Variants in DCC observed in about 807,000 individuals in gnomAD.
The protein encoded by DCC is netrin receptor DCC.
In DCC, 58 loss-of-function variants were observed where a neutral mutation model predicts 172.5. The observed-to-expected ratio is 0.34, with a 90% confidence interval of 0.27 to 0.42. The LOEUF (loss-of-function observed/expected upper bound fraction) is 0.42. Among genes scored for constraint, DCC ranks in the 10% least tolerant of loss-of-function variants. The probability of loss-of-function intolerance (pLI) is 1.00; values close to 1 mark genes in which losing one functional copy is unlikely to be tolerated. For synonymous variants in DCC, 709 were observed against 644.5 expected, an observed-to-expected ratio of 1.10 and a Z score of -1.52; for missense variants, 1,740 against 1,791.0, an observed-to-expected ratio of 0.97 and a Z score of 0.51.
At chr18:53,096,867 C>T (rs1279845157) in intron 7 of DCC, among the ~76,000 whole-genome samples, 2 of 152,054 alleles carry the variant, frequency 1.3e-5, no homozygotes, top group Non-Finnish European at 2.9e-5. Context: ...ATCATAACTA[C>T]TTTATAATGA....
intron 21 of DCC, among the ~76,000 whole-genome samples, chr18:53,423,220 G>A (rs193237204): frequency 4.6e-4 from 70 of 152,232 alleles, no homozygotes; most frequent in Non-Finnish European, 8.5e-4. Flanking sequence ...CCATAAACAG[G>A]TTCTTCTTGT....
intron 1 of DCC, among the ~76,000 whole-genome samples, chr18:52,545,802 A>G (rs1341571197): frequency 6.6e-6 from 1 of 152,214 alleles, no homozygotes; most frequent in Non-Finnish European, 1.5e-5. Context: ...TGTGCCTTCT[A>G]TAAGGGAGTG....
intron 5 of DCC, among the ~76,000 whole-genome samples, chr18:52,989,676 A>G (rs1456340175): frequency 3.3e-5 from 5 of 152,212 alleles, no homozygotes; most frequent in Non-Finnish European, 7.3e-5. Context: ...TACTCACACA[A>G]CAACACACCA....
intron 5 of DCC, among the ~76,000 whole-genome samples, chr18:52,938,178 C>T: frequency 6.6e-6 from 1 of 152,102 alleles, no homozygotes; most frequent in Non-Finnish European, 1.5e-5. Context: ...CTCTTCATAT[C>T]TGCTAATATT....
intron 1 of DCC, among the ~76,000 whole-genome samples, chr18:52,609,850 T>A (rs892458927): frequency 6.6e-5 from 10 of 151,790 alleles, no homozygotes; most frequent in African/African-American, 2.2e-4. Context: ...GAAAAGCCCA[T>A]AAAACAGGAG....
chr18:52,365,112 G>A (rs2144280256), intron 1 of DCC, among the ~76,000 whole-genome samples: 1 of 152,316 alleles, frequency 6.6e-6, no homozygotes, highest in South Asian at 2.1e-4. Context: ...CATATGGTAT[G>A]TTTAAACTTG....
intron 1 of DCC, among the ~76,000 whole-genome samples, chr18:52,391,500 C>A (rs538598406): frequency 6.8e-4 from 104 of 151,986 alleles, no homozygotes; most frequent in Non-Finnish European, 1.3e-3. Context: ...ATAAGAGAAC[C>A]AGAAGGAATT....
At chr18:52,551,071 T>G (rs1170802588) in intron 1 of DCC, among the ~76,000 whole-genome samples, 2 of 152,004 alleles carry the variant, frequency 1.3e-5, no homozygotes, top group Non-Finnish European at 2.9e-5. Flanking sequence ...GAAACAATAC[T>G]GTTGTCTACA....
At chr18:52,683,864 A>G (rs1040279755) in intron 1 of DCC, among the ~76,000 whole-genome samples, 1 of 152,138 alleles carries the variant, frequency 6.6e-6, no homozygotes, top group Non-Finnish European at 1.5e-5. Flanking sequence ...TACTGTTGGT[A>G]AAAGCACACA....
intron 2 of DCC, among the ~76,000 whole-genome samples, chr18:52,847,271 T>G (rs565217174): frequency 1.9e-4 from 29 of 152,314 alleles, no homozygotes; most frequent in African/African-American, 6.7e-4. Flanking sequence ...AAGGTCAAAA[T>G]GTTGGACAAT....
intron 15 of DCC, among the ~76,000 whole-genome samples, chr18:53,343,698 C>T (rs963078126): frequency 2.6e-5 from 4 of 151,780 alleles, no homozygotes; most frequent in Non-Finnish European, 5.9e-5. Flanking sequence ...TATTTACTCC[C>T]CTTCTGTTAC....
At chr18:52,820,960 A>G (rs2038394177) in intron 2 of DCC, among the ~76,000 whole-genome samples, 1 of 152,130 alleles carries the variant, frequency 6.6e-6, no homozygotes, top group Admixed American at 6.5e-5. Context: ...AAAAATTGCA[A>G]CATCTGGGAC....
chr18:52,842,292 G>T (rs1050166937), intron 2 of DCC, among the ~76,000 whole-genome samples: 1 of 152,108 alleles, frequency 6.6e-6, no homozygotes, highest in Non-Finnish European at 1.5e-5. Flanking sequence ...ATAAGGTATT[G>T]TTCACTTGAT....
chr18:52,739,517 C>A (rs2145110487), intron 1 of DCC, among the ~76,000 whole-genome samples: 1 of 152,166 alleles, frequency 6.6e-6, no homozygotes, highest in African/African-American at 2.4e-5. Flanking sequence ...AAGATCAGAG[C>A]CACAAGAGAG....
At chr18:52,907,891 A>T (rs1048586486) in intron 3 of DCC, among the ~76,000 whole-genome samples, 45 of 152,132 alleles carry the variant, frequency 3.0e-4, no homozygotes, top group Admixed American at 9.8e-4. Context: ...TGATGATTTT[A>T]AAAAAGTCAT....
intron 10 of DCC, 66 bp from the exon 11 acceptor site, chr18:53,207,613 A>G: frequency 7.0e-7 from 1 of 1,436,334 alleles, no homozygotes; most frequent in Non-Finnish European, 9.8e-7. Flanking sequence ...CTGATTGCAC[A>G]GAATGAGTGC....
intron 5 of DCC, among the ~76,000 whole-genome samples, chr18:52,996,254 T>C (rs1414152415): frequency 6.6e-6 from 1 of 151,824 alleles, no homozygotes; most frequent in African/African-American, 2.4e-5. Context: ...TATAATTATA[T>C]ATTTTTCTCT....
At position 52,722,620 on chromosome 18, in the gene DCC, G is replaced by A. The variant is rs553582821; in HGVS notation, c.92-29434G>A. On this transcript the variant is annotated intron_variant, in intron 1 of 28. Transcript: ENST00000442544. ...ATTCGACTGGTGCAAAAGTAATGGC[G>A]GTTTTTGCAATAATAAATGTCCTCC... 7.3e-4 allele frequency among the ~76,000 whole-genome samples: 111 copies of A among 152,210 alleles called. No individual in the cohort carries two copies. In the Middle Eastern group the frequency reaches 0.02, roughly 28 times the overall value.
At chr18:52,789,554 G>A (rs993348072) in intron 2 of DCC, among the ~76,000 whole-genome samples, 7 of 152,108 alleles carry the variant, frequency 4.6e-5, no homozygotes, top group Admixed American at 2.6e-4. Context: ...CTTTAGCCAC[G>A]CTAAGCAGTT....
Sources: gnomAD v4.1 joint callset for allele counts (sites outside exome capture counted in the v4.1 genomes callset) on GRCh38, gnomAD v4.1.1 for gene constraint, MANE v1.5 for transcripts, NCBI Gene and HGNC (gene_info 2026-07-23, HGNC 2026-07-21) for gene names.